NXPE1: variants seen among roughly 807,000 people sequenced by gnomAD.
NXPE1 encodes NXPE family member 1.
In NXPE1, 31 loss-of-function variants were observed where a neutral mutation model predicts 33.3. That is an observed-to-expected ratio of 0.93 (90% CI 0.70 to 1.26). The LOEUF (loss-of-function observed/expected upper bound fraction) is 1.26. Ranked by LOEUF, NXPE1 falls within the 50% of genes most tolerant of loss-of-function variation. The pLI, the probability that NXPE1 is intolerant of heterozygous loss-of-function variation, is 0.00. For synonymous variants in NXPE1, 229 were observed against 231.4 expected (o/e 0.99, Z 0.09); for missense variants, 661 against 655.6 (o/e 1.01, Z -0.09).
intron 5 of NXPE1, among the ~76,000 whole-genome samples, chr11:114,536,528 C>A (rs912896240): frequency 2.6e-5 from 4 of 152,060 alleles, no homozygotes; most frequent in African/African-American, 9.7e-5. Flanking sequence ...AATTGATAGA[C>A]CGCTAGCAAG....
intron 6 of NXPE1, chr11:114,529,013 T>C (rs1451941215): frequency 9.7e-6 from 4 of 411,080 alleles, no homozygotes; most frequent in African/African-American, 2.0e-5. Context: ...GAGCCAAAAC[T>C]TGGATAATGA....
chr11:114,535,920 C>T (rs1191793690), intron 5 of NXPE1, among the ~76,000 whole-genome samples: 1 of 152,148 alleles, frequency 6.6e-6, no homozygotes, highest in East Asian at 1.9e-4. Flanking sequence ...CTCAGCTCTG[C>T]ACCAAGCAGA....
intron 5 of NXPE1, among the ~76,000 whole-genome samples, chr11:114,547,727 T>C (rs1948330734): frequency 6.6e-6 from 1 of 152,100 alleles, no homozygotes; most frequent in Non-Finnish European, 1.5e-5. Context: ...AGAGCAAGAC[T>C]CTGTCTCAAA....
rs45609739 is a variant in NXPE1 at position 114,530,269 on chromosome 11, G to C, written c.739C>G (p.Pro247Ala). The change falls in exon 6 of 9, where the codon CCT becomes GCT. Residue 247 changes from proline to alanine, a missense_variant. Pro to Ala is a conservative substitution (Grantham distance 27, BLOSUM62 -1). Transcript: ENST00000534921. ...AGAGCCTCACAGGGCATGTGTTGAGGCTTCATACAATAGAAGGCTTCTTGG... is the reference window on the plus strand; with the variant it reads ...AGAGCCTCACAGGGCATGTGTTGAGCCTTCATACAATAGAAGGCTTCTTGG... The C allele has an allele frequency of 5.5e-3, 8,860 of 1,614,146 alleles. 75 individuals carry two copies. Among genetic ancestry groups the C allele is most frequent in the Middle Eastern group, 0.023 (137 of 6,062 alleles).
At position 114,552,097 on chromosome 11, in the gene NXPE1, A is replaced by C. The variant is rs1948507746; in HGVS notation, c.-181-12T>G. The C allele has an allele frequency of 6.6e-6, 1 of 152,204 alleles. No individual in the cohort carries two copies. The highest frequency in any genetic ancestry group is 1.5e-5 in the Non-Finnish European group (1 of 68,050). The allele number at this position is 152,204 out of a possible 1,614,324, so 9.4% of individuals were successfully genotyped here. ...GAGCAATTTAGATACTTCACAGGCA[A>C]AATGGAAGTGAGAGAACAAAGGATC... On this transcript the variant is annotated splice_polypyrimidine_tract_variant and intron_variant, in intron 2 of 8. Coordinates refer to ENST00000534921, the Ensembl canonical transcript of NXPE1.
At chr11:114,555,324 A>G (rs1259868883) in intron 1 of NXPE1, among the ~76,000 whole-genome samples, 1 of 152,098 alleles carries the variant, frequency 6.6e-6, no homozygotes, top group African/African-American at 2.4e-5. Flanking sequence ...CCCGGGTTCA[A>G]GTGATTCCCC....
intron 8 of NXPE1, 121 bp from the exon 9 acceptor site, chr11:114,522,624 C>A: frequency 1.2e-6 from 1 of 845,614 alleles, no homozygotes; most frequent in Non-Finnish European, 1.8e-6. Context: ...AGCCTTTCTA[C>A]TCTCTAGGGT....
At chr11:114,532,968 T>A (rs1591268921) in intron 5 of NXPE1, among the ~76,000 whole-genome samples, 1 of 152,324 alleles carries the variant, frequency 6.6e-6, no homozygotes, top group East Asian at 1.9e-4. Context: ...TTTCAACATT[T>A]ACTTAGCATT....
At chr11:114,547,942 A>AT (rs1176605945) in intron 5 of NXPE1, among the ~76,000 whole-genome samples, 7 of 152,162 alleles carry the variant, frequency 4.6e-5, no homozygotes, top group African/African-American at 1.7e-4. Context: ...TATTCTTACA[A>AT]TTTTTCTGTA....
intron 5 of NXPE1, among the ~76,000 whole-genome samples, chr11:114,535,111 A>G (rs1373557564): frequency 6.6e-6 from 1 of 152,252 alleles, no homozygotes; most frequent in Non-Finnish European, 1.5e-5. Context: ...GCCAGAAGAG[A>G]GTGGGGACCA....
chr11:114,527,688 TC>T, intron 7 of NXPE1, 151 bp downstream of exon 7: 1 of 531,268 alleles, frequency 1.9e-6, no homozygotes, highest in Non-Finnish European at 3.3e-6. Flanking sequence ...TGAAATCATT[TC>T]CTTGAGTTCA....
intron 1 of NXPE1, chr11:114,553,621 C>T (rs1948577612): frequency 1.5e-6 from 1 of 686,854 alleles, no homozygotes; most frequent in Non-Finnish European, 1.8e-6. Context: ...CCATAAGTAA[C>T]TGCAAATCAG....
At chr11:114,537,306 A>C (rs1947869488) in intron 5 of NXPE1, among the ~76,000 whole-genome samples, 1 of 152,216 alleles carries the variant, frequency 6.6e-6, no homozygotes, top group African/African-American at 2.4e-5. Context: ...TATCTATGAC[A>C]ACCCCACAGC....
Position 114,522,156 on chromosome 11 carries a change from CTA to C in NXPE1, c.1454_1455del (p.Ile485ArgfsTer30). ...TGGAAGTCTCCAAACCTCTCTGTCTCTATGTGCATCTCCCTGATGTTTTCTGT... is the reference window on the plus strand; with the variant it reads ...TGGAAGTCTCCAAACCTCTCTGTCTCTGTGCATCTCCCTGATGTTTTCTGT... On this transcript the variant is annotated frameshift_variant, in exon 9 of 9. Coordinates refer to ENST00000534921, the Ensembl canonical transcript of NXPE1. LOFTEE classifies it low-confidence loss of function (END_TRUNC). The C allele has an allele frequency of 6.2e-7, 1 of 1,614,068 alleles. No individual in the cohort carries two copies. Among genetic ancestry groups the C allele is most frequent in the South Asian group, 1.1e-5 (1 of 91,076 alleles).
intron 5 of NXPE1, among the ~76,000 whole-genome samples, chr11:114,545,193 T>C (rs1261870080): frequency 6.6e-6 from 1 of 152,212 alleles, no homozygotes; most frequent in Non-Finnish European, 1.5e-5. Flanking sequence ...TACCATTCAA[T>C]ATAGCAGTTT....
chr11:114,522,791 A>G, intron 8 of NXPE1, 88 bp downstream of exon 8: 1 of 945,928 alleles, frequency 1.1e-6, no homozygotes, highest in Non-Finnish European at 1.6e-6. Flanking sequence ...GTAAAAAACA[A>G]AATAGCTCAA....
At chr11:114,553,313 A>G (rs1288939012) in intron 1 of NXPE1, among the ~76,000 whole-genome samples, 1 of 152,154 alleles carries the variant, frequency 6.6e-6, no homozygotes, top group Non-Finnish European at 1.5e-5. Context: ...CCCTCATTCG[A>G]GAGGAGAATC....
At chr11:114,551,401 C>G in exon 4 of NXPE1, 1 of 1,338,160 alleles carries the variant, frequency 7.5e-7, no homozygotes. Flanking sequence ...TACTTCTTGT[C>G]GAGGTTTCAC....
At chr11:114,541,892 A>G (rs1275507319) in intron 5 of NXPE1, among the ~76,000 whole-genome samples, 1 of 152,098 alleles carries the variant, frequency 6.6e-6, no homozygotes, top group African/African-American at 2.4e-5. Flanking sequence ...CCTGCTTCTC[A>G]ATGTTTATCT....
Sources: allele counts gnomAD v4.1 joint callset (sites outside exome capture counted in the v4.1 genomes callset), GRCh38; gene constraint gnomAD v4.1.1; transcripts MANE v1.5; gene names NCBI Gene and HGNC (gene_info 2026-07-23, HGNC 2026-07-21).